Variants in RBMS3 observed in about 807,000 individuals in gnomAD.
RBMS3 encodes RNA-binding motif, single-stranded-interacting protein 3.
In RBMS3, 27 loss-of-function variants were observed where a neutral mutation model predicts 66.8. The observed-to-expected ratio is 0.40, with a 90% CI of 0.30 to 0.56. The LOEUF (loss-of-function observed/expected upper bound fraction) is 0.56, where lower values mean the gene tolerates loss of function less well. Ranked by LOEUF, RBMS3 falls within the 20% of genes least tolerant of loss-of-function variation. The pLI is 0.40. For missense variants in RBMS3, 513 were observed against 549.5 expected (o/e 0.93, Z 0.66); for synonymous variants, 188 against 183.0 (o/e 1.03, Z -0.22).
intron 4 of RBMS3, among the ~76,000 whole-genome samples, chr3:29,702,010 A>C (rs963683612): frequency 2.6e-5 from 4 of 152,226 alleles, no homozygotes; most frequent in Non-Finnish European, 5.9e-5. Context: ...TCCTGAGTCC[A>C]GTGGGGACTT....
chr3:29,839,406 G>A (rs763409270), intron 6 of RBMS3, among the ~76,000 whole-genome samples: 8 of 152,016 alleles, frequency 5.3e-5, no homozygotes, highest in East Asian at 3.9e-4. Context: ...TTTGCTTAAA[G>A]TGTTGCAACT....
At chr3:29,802,550 G>A (rs932414115) in intron 6 of RBMS3, among the ~76,000 whole-genome samples, 29 of 152,284 alleles carry the variant, frequency 1.9e-4, no homozygotes, top group Non-Finnish European at 3.4e-4. Flanking sequence ...ATCGTCCAAA[G>A]AACATTGTTT....
chr3:29,351,573 A>T (rs1027885889), intron 1 of RBMS3, among the ~76,000 whole-genome samples: 4 of 152,040 alleles, frequency 2.6e-5, no homozygotes, highest in Non-Finnish European at 5.9e-5. Context: ...TTCACTTTGT[A>T]TTGTCTTTTA....
At chr3:29,924,314 A>C (rs2060872508) in intron 10 of RBMS3, among the ~76,000 whole-genome samples, 2 of 152,202 alleles carry the variant, frequency 1.3e-5, no homozygotes, top group African/African-American at 4.8e-5. Context: ...TGATTAGCAG[A>C]AGTCACAAAT....
At chr3:29,825,708 G>A (rs1032926041) in intron 6 of RBMS3, among the ~76,000 whole-genome samples, 2 of 152,104 alleles carry the variant, frequency 1.3e-5, no homozygotes, top group African/African-American at 4.8e-5. Flanking sequence ...CCAGTCTTGG[G>A]TATGTCTTTA....
intron 12 of RBMS3, among the ~76,000 whole-genome samples, chr3:29,944,670 T>C (rs1175032313): frequency 6.6e-6 from 1 of 151,684 alleles, no homozygotes; most frequent in Non-Finnish European, 1.5e-5. Context: ...CCAGAATTCT[T>C]CTAAATTGGA....
At chr3:29,745,437 C>T (rs1214431533) in intron 5 of RBMS3, among the ~76,000 whole-genome samples, 3 of 152,058 alleles carry the variant, frequency 2.0e-5, no homozygotes, top group African/African-American at 7.2e-5. Flanking sequence ...AGGATCAGAG[C>T]GTAAATCATC....
intron 1 of RBMS3, among the ~76,000 whole-genome samples, chr3:29,286,330 A>G (rs545569960): frequency 6.6e-6 from 1 of 152,024 alleles, no homozygotes; most frequent in South Asian, 2.1e-4. Context: ...AGCCTTCATT[A>G]TCAGTGGGAT....
intron 2 of RBMS3, 110 bp downstream of exon 2, chr3:29,435,025 G>A: frequency 8.8e-7 from 1 of 1,139,322 alleles, no homozygotes; most frequent in Non-Finnish European, 1.2e-6. Context: ...CAGTGAGGAA[G>A]ACTCTTCTTT....
At chr3:29,775,632 C>T (rs932122085) in intron 6 of RBMS3, among the ~76,000 whole-genome samples, 24 of 151,986 alleles carry the variant, frequency 1.6e-4, no homozygotes, top group Non-Finnish European at 2.6e-4. Context: ...TTCTTTTAGT[C>T]GCTGCTAATT....
Position 29,325,488 on chromosome 3 carries a change from A to G in RBMS3, c.75+43732A>G, listed in dbSNP as rs12493710. On this transcript the variant is annotated intron_variant, in intron 1 of 14. Transcript: ENST00000383767. ...TGTAAGATTCAGTTGAAAGAAAACT[A>G]TCCCATTAAATGCATATATATATAT... Among the ~76,000 whole-genome samples the G allele has an allele frequency of 1.0e-3, 152 of 151,780 alleles. 2 individuals carry two copies. The highest frequency in any genetic ancestry group is 3.5e-3 in the African/African-American group (146 of 41,374).
chr3:29,327,828 A>G (rs2035427102), intron 1 of RBMS3, among the ~76,000 whole-genome samples: 1 of 152,166 alleles, frequency 6.6e-6, no homozygotes, highest in South Asian at 2.1e-4. Context: ...GTAACTCACT[A>G]TTGCCATTTC....
chr3:29,695,772 G>A (rs2052244160), intron 4 of RBMS3, among the ~76,000 whole-genome samples: 1 of 152,198 alleles, frequency 6.6e-6, no homozygotes, highest in African/African-American at 2.4e-5. Context: ...AACACACTCT[G>A]CCTGTACACA....
intron 12 of RBMS3, among the ~76,000 whole-genome samples, chr3:29,986,180 A>T (rs1016154476): frequency 2.0e-5 from 3 of 152,124 alleles, no homozygotes; most frequent in African/African-American, 4.8e-5. Context: ...AGGGCAGAAC[A>T]TGAGCCACAA....
Position 30,009,166 on chromosome 3 carries a change from T to C in RBMS3, c.*5304T>C, listed in dbSNP as rs1699887620. The C allele has an allele frequency of 2.0e-5, 3 of 152,134 alleles. No individual in the cohort carries two copies. In the South Asian group the frequency reaches 6.2e-4, roughly 31 times the overall value. The allele number at this position is 152,134 out of a possible 1,614,324, so 9.4% of individuals were successfully genotyped here. A position where few individuals can be genotyped will look rare whatever the true frequency, so the allele number is the denominator to read the frequency against. ...TGAGTCATACTTGAGCTTTTCTTACTACTGCCCCAATTTCTAAATTGTGCA... is the reference window on the plus strand; with the variant it reads ...TGAGTCATACTTGAGCTTTTCTTACCACTGCCCCAATTTCTAAATTGTGCA... On this transcript the variant is annotated 3_prime_UTR_variant, in exon 15 of 15. Coordinates refer to ENST00000383767, the MANE Select transcript of RBMS3 (RefSeq NM_001003793.3).
chr3:29,371,284 C>T (rs913564181), intron 1 of RBMS3, among the ~76,000 whole-genome samples: 3 of 152,124 alleles, frequency 2.0e-5, no homozygotes, highest in African/African-American at 7.2e-5. Context: ...CAGGTACAAG[C>T]CAATAAGTTT....
intron 6 of RBMS3, among the ~76,000 whole-genome samples, chr3:29,798,256 A>AAAGGGAAGGGAAGGGAAGGG (rs1243557825): frequency 4.4e-3 from 445 of 102,078 alleles, no homozygotes; most frequent in African/African-American, 8.9e-3. Flanking sequence ...GGACAGAAGA[A>AAAGGGAAGGGAAGGGAAGGG]AAGGGAAGGG....
intron 6 of RBMS3, among the ~76,000 whole-genome samples, chr3:29,822,276 C>CT (rs770961744): frequency 1.3e-5 from 2 of 152,124 alleles, no homozygotes; most frequent in African/African-American, 2.4e-5. Context: ...CAGTGAATGC[C>CT]TAATTTTAAA....
rs184976707 is a variant in RBMS3, at chr3:29,809,043, T to C, written c.637+46054T>C. On this transcript the variant is annotated intron_variant, in intron 6 of 14. Transcript: ENST00000383767. ...AATGTATATTCTCCTTATTTTTCCT[T>C]AAATATGAAATTATCCAAATATCTA... 7.2e-4 allele frequency among the ~76,000 whole-genome samples: 110 copies of C among 152,050 alleles called. 1 individual carries two copies. The highest frequency in any genetic ancestry group is 2.5e-3 in the African/African-American group (102 of 41,552).
Sources: gnomAD v4.1 joint callset for allele counts (sites outside exome capture counted in the v4.1 genomes callset) on GRCh38, gnomAD v4.1.1 for gene constraint, MANE v1.5 for transcripts, NCBI Gene and HGNC (gene_info 2026-07-23, HGNC 2026-07-21) for gene names.